The following DLGAP1 variants were observed in gnomAD, a reference collection of about 807,000 sequenced individuals.
The protein encoded by DLGAP1 is disks large-associated protein 1.
A neutral mutation model predicts 90.8 loss-of-function variants in DLGAP1; 11 were observed. That is an observed-to-expected ratio of 0.12 (90% CI 0.08 to 0.20). The LOEUF is 0.20. Among genes scored for constraint, DLGAP1 ranks in the 10% least tolerant of loss-of-function variants. The probability of loss-of-function intolerance (pLI) is 1.00; values close to 1 mark genes in which losing one functional copy is unlikely to be tolerated. For synonymous variants in DLGAP1, 558 were observed against 540.7 expected, an observed-to-expected ratio of 1.03 and a Z score of -0.44; for missense variants, 1,050 against 1,333.8, an observed-to-expected ratio of 0.79 and a Z score of 3.31.
chr18:3,778,371 G>A (rs1358910163), intron 5 of DLGAP1, among the ~76,000 whole-genome samples: 1 of 152,040 alleles, frequency 6.6e-6, no homozygotes, highest in Non-Finnish European at 1.5e-5. Context: ...AACCCAGGAG[G>A]CGGAGGTTGC....
intron 6 of DLGAP1, among the ~76,000 whole-genome samples, chr18:3,736,123 G>A (rs1202339654): frequency 1.3e-5 from 2 of 152,120 alleles, no homozygotes; most frequent in South Asian, 2.1e-4. Context: ...GAGAAAATAT[G>A]TCTGCGGGCT....
intron 2 of DLGAP1, among the ~76,000 whole-genome samples, chr18:4,049,226 CAA>C (rs71368721): frequency 0.38 from 51,473 of 134,264 alleles, 9,430 homozygotes; most frequent in East Asian, 0.57. Flanking sequence ...GACTCTGTCT[CAA>C]AAAAAAAAAA....
chr18:4,218,623 A>G (rs2078009458), intron 1 of DLGAP1, among the ~76,000 whole-genome samples: 3 of 151,852 alleles, frequency 2.0e-5, no homozygotes, highest in Non-Finnish European at 4.4e-5. Context: ...TTCCTCATTC[A>G]TGTCCCACCC....
At chr18:3,553,516 A>G (rs557920043) in intron 9 of DLGAP1, among the ~76,000 whole-genome samples, 10 of 152,260 alleles carry the variant, frequency 6.6e-5, no homozygotes, top group Admixed American at 2.0e-4. Context: ...GAAGATACAT[A>G]CACACATAGT....
chr18:3,825,485 T>C (rs1038467744), intron 4 of DLGAP1, among the ~76,000 whole-genome samples: 1 of 152,232 alleles, frequency 6.6e-6, no homozygotes, highest in African/African-American at 2.4e-5. Flanking sequence ...TAATACCAAA[T>C]ACAATGCCTG....
chr18:4,236,549 A>G (rs1275930886), intron 1 of DLGAP1, among the ~76,000 whole-genome samples: 1 of 152,190 alleles, frequency 6.6e-6, no homozygotes, highest in African/African-American at 2.4e-5. Context: ...ACATCAGTCA[A>G]AAGTGACACC....
chr18:4,219,217 T>C (rs1454638489), intron 1 of DLGAP1, among the ~76,000 whole-genome samples: 1 of 151,958 alleles, frequency 6.6e-6, no homozygotes, highest in African/African-American at 2.4e-5. Context: ...TTTGCGTTTC[T>C]CTAATGATTA....
chr18:4,189,845 G>A (rs2077363948), intron 1 of DLGAP1, among the ~76,000 whole-genome samples: 1 of 152,060 alleles, frequency 6.6e-6, no homozygotes, highest in Non-Finnish European at 1.5e-5. Flanking sequence ...AGGAAGCAAA[G>A]GCAATTCAAT....
chr18:4,144,145 C>G (rs1351890809), intron 2 of DLGAP1, among the ~76,000 whole-genome samples: 2 of 152,184 alleles, frequency 1.3e-5, no homozygotes, highest in East Asian at 3.9e-4. Flanking sequence ...ACGCCAACCC[C>G]ACTGGCTCCG....
chr18:4,156,822 G>A (rs1400459436), intron 1 of DLGAP1, among the ~76,000 whole-genome samples: 1 of 151,954 alleles, frequency 6.6e-6, no homozygotes, highest in African/African-American at 2.4e-5. Flanking sequence ...TTTGAGCAAT[G>A]ATTAATAGTC....
In DLGAP1 at chr18:3,565,409, CAGACTGCTGGGA is replaced by C. The variant is rs2054368010; in HGVS notation, c.2057+2069_2057+2080del. Among the ~76,000 whole-genome samples, 1 of 152,082 alleles carries C rather than the reference CAGACTGCTGGGA, an allele frequency of 6.6e-6. No individual in the cohort carries two copies. The highest frequency in any genetic ancestry group is 1.5e-5 in the Non-Finnish European group (1 of 68,016). On this transcript the variant is annotated intron_variant, in intron 9 of 12. Coordinates refer to ENST00000315677, the MANE Select transcript of DLGAP1 (RefSeq NM_004746.4). The surrounding 1 kb of genome is among the most constrained non-coding windows in gnomAD (Gnocchi z 4.0). ...AGGTGATCCACCTGCCTCGGCCTCC[CAGACTGCTGGGA>C]TTACAGGCGTGAGCCATTGCCCATG...
rs5822770 is a variant in DLGAP1, at chr18:3,837,849, C to CAAAAAAAAA, written c.958-23585_958-23577dup. Among the ~76,000 whole-genome samples, 57 of 26,822 alleles carry CAAAAAAAAA rather than the reference C, an allele frequency of 2.1e-3. 11 individuals carry two copies. Among genetic ancestry groups the CAAAAAAAAA allele is most frequent in the Non-Finnish European group, 2.1e-3 (34 of 15,850 alleles). The allele number at this position is 26,822 out of a possible 152,430, so 17.6% of individuals were successfully genotyped here. A position where few individuals can be genotyped will look rare whatever the true frequency, so the allele number is the denominator to read the frequency against. On this transcript the variant is annotated intron_variant, in intron 4 of 12. Coordinates refer to ENST00000315677, the MANE Select transcript of DLGAP1 (RefSeq NM_004746.4). ...CCTGGGCGACAGAGTGAGATTCTGT[C>CAAAAAAAAA]AAAAAAAAAAAAAAAAAAAAAAAAA...
chr18:3,568,314 T>C (rs1183318163), intron 8 of DLGAP1, among the ~76,000 whole-genome samples: 6 of 152,342 alleles, frequency 3.9e-5, no homozygotes, highest in East Asian at 1.9e-4. Context: ...AGATAAACTA[T>C]AGAGTGTCTT....
rs1023182036 is a variant in DLGAP1, at chr18:3,814,262, A to C, written c.969T>G (p.Asp323Glu). The C allele has an allele frequency of 9.9e-6, 16 of 1,613,796 alleles. 1 individual carries two copies. In the Middle Eastern group the frequency reaches 8.2e-4, roughly 83 times the overall value. Residue 323 changes from aspartate (D) to glutamate (E), a missense_variant, in exon 5 of 13, where the codon GAT (aspartate) becomes GAG (glutamate). This residue lies in a region of DLGAP1 where 565 missense variants were observed against 879.7 expected (regional missense o/e 0.64). Transcript: ENST00000315677. ...CTCGTGGGGTGTACCCTGTCCATTC[A>C]TCTTGTGGAACCTATTCAGATAGAA... Reference protein sequence around the residue: ...RSCQYLQVPQDEWTGYTPRGK... With the variant: ...RSCQYLQVPQEEWTGYTPRGK...
At chr18:3,741,271 C>CA (rs1491141761) in intron 6 of DLGAP1, among the ~76,000 whole-genome samples, 1 of 122,568 alleles carries the variant, frequency 8.2e-6, no homozygotes, top group Non-Finnish European at 1.7e-5. Flanking sequence ...TCACCACCAC[C>CA]ACATCACCAT....
intron 1 of DLGAP1, among the ~76,000 whole-genome samples, chr18:4,331,005 G>T (rs1179720570): frequency 6.6e-6 from 1 of 151,728 alleles, no homozygotes; most frequent in Non-Finnish European, 1.5e-5. Flanking sequence ...TGCTTCTTAT[G>T]ATGTGAGGCT....
At chr18:3,777,422 T>C (rs2064986655) in intron 5 of DLGAP1, among the ~76,000 whole-genome samples, 2 of 152,008 alleles carry the variant, frequency 1.3e-5, no homozygotes, top group African/African-American at 4.8e-5. Flanking sequence ...AAAAACAAAG[T>C]GTAGATAATT....
intron 3 of DLGAP1, among the ~76,000 whole-genome samples, chr18:3,976,377 G>A (rs1030237738): frequency 6.6e-6 from 1 of 151,454 alleles, no homozygotes; most frequent in Non-Finnish European, 1.5e-5. Flanking sequence ...TGGTTAAAAG[G>A]GTGAATTTTA....
At chr18:3,911,703 T>C (rs1249881666) in intron 3 of DLGAP1, among the ~76,000 whole-genome samples, 1 of 152,200 alleles carries the variant, frequency 6.6e-6, no homozygotes, top group African/African-American at 2.4e-5. Flanking sequence ...GGCTCTTTTG[T>C]GAACTATTTA....
Sources: allele counts gnomAD v4.1 joint callset (sites outside exome capture counted in the v4.1 genomes callset), GRCh38; gene constraint gnomAD v4.1.1; regional missense constraint gnomAD v4.1.1; non-coding constraint Gnocchi (gnomAD v3.1); transcripts MANE v1.5; gene names NCBI Gene and HGNC (gene_info 2026-07-23, HGNC 2026-07-21).